The following MON1A variants were observed in gnomAD, a reference collection of about 807,000 sequenced individuals.
The protein encoded by MON1A is MON1 vesicular trafficking associated A, also known as vacuolar fusion protein MON1 homolog A.
Under a neutral mutation model 44.6 loss-of-function variants are expected in MON1A, and 29 were observed. The ratio of observed to expected loss-of-function variants is 0.65; its 90% confidence interval spans 0.48 to 0.89. The LOEUF is 0.89. Among genes scored for constraint, MON1A ranks in the 40% least tolerant of loss-of-function variants. The probability of loss-of-function intolerance (pLI) is 0.00; values close to 1 mark genes in which losing one functional copy is unlikely to be tolerated. For synonymous variants in MON1A, 275 were observed against 316.4 expected (o/e 0.87, Z 1.39); for missense variants, 615 against 759.6 (o/e 0.81, Z 2.24).
chr3:49,910,827 C>T lies in MON1A; in HGVS notation c.671G>A (p.Arg224His), dbSNP rs1317549955. 6.2e-6 allele frequency: 10 copies of T among 1,609,878 alleles called. No individual in the cohort carries two copies. Among genetic ancestry groups the T allele is most frequent in the African/African-American group, 1.3e-5 (1 of 74,896 alleles). Residue 224 changes from arginine (R) to histidine (H), a missense_variant, in exon 4 of 6, where the codon CGT (arginine) becomes CAT (histidine). Coordinates refer to ENST00000296473, the MANE Select transcript of MON1A (RefSeq NM_032355.4). The surrounding 1 kb of genome is among the most constrained non-coding windows in gnomAD (Gnocchi z 8.0). ...CAGCTCTTGTGCCGACTGCCGCGTACGAGCCACCGCCACTAGCACCAGCGG... is the reference window on the plus strand; with the variant it reads ...CAGCTCTTGTGCCGACTGCCGCGTATGAGCCACCGCCACTAGCACCAGCGG... The part of the protein sequence containing the change: ...RSPLVLVAVA[R>H]TRQSAQELAQ...
chr3:49,911,243 TAG>T lies in MON1A; in HGVS notation c.613+281_613+282del, dbSNP rs1356205706. On this transcript the variant is annotated intron_variant, in intron 3 of 5. Coordinates refer to ENST00000296473, the MANE Select transcript of MON1A (RefSeq NM_032355.4). This position sits in a 1 kb window ranked among gnomAD's most constrained non-coding sequence, Gnocchi z 5.7. Reference sequence around the variant, plus strand: ...ATAGATAGATAGATAGATAGATAGATAGAGTTTGTTGTTGTTGTTGTTGTTGC... The same window carrying T: ...ATAGATAGATAGATAGATAGATAGATAGTTTGTTGTTGTTGTTGTTGTTGC... Among the ~76,000 whole-genome samples, 2 of 115,578 alleles carry T rather than the reference TAG, an allele frequency of 1.7e-5. No homozygotes were observed. The highest frequency in any genetic ancestry group is 3.3e-5 in the African/African-American group (1 of 30,518). 75.8% of individuals were successfully genotyped at this position (115,578 alleles called of 152,430 possible).
rs143183919 is a variant in MON1A at position 49,910,751 on chromosome 3, A to C, written c.747T>G (p.Gly249=). The change falls in exon 4 of 6, where the codon GGT becomes GGG. Residue 249 remains glycine, a synonymous_variant. Transcript: ENST00000296473. This position sits in a 1 kb window ranked among gnomAD's most constrained non-coding sequence, Gnocchi z 8.0. ...IYYQILSLLT[G]AQLSHIFQQK... ...GCTGGAAGATGTGGCTCAGCTGCGCACCGGTAAGAAGGCTTAGGATCTGGT... is the reference window on the plus strand; with the variant it reads ...GCTGGAAGATGTGGCTCAGCTGCGCCCCGGTAAGAAGGCTTAGGATCTGGT... 1.2e-6 allele frequency: 2 copies of C among 1,613,974 alleles called. No individual in the cohort carries two copies. Among genetic ancestry groups the C allele is most frequent in the African/African-American group, 2.7e-5 (2 of 74,896 alleles).
Position 49,909,376 on chromosome 3 carries a change from G to A in MON1A, c.1404C>T (p.Thr468=), listed in dbSNP as rs773841291. The change falls in exon 5 of 6, where the codon ACC becomes ACT. Residue 468 remains threonine (T), a synonymous_variant. Coordinates refer to ENST00000296473, the MANE Select transcript of MON1A (RefSeq NM_032355.4). The surrounding 1 kb of genome is among the most constrained non-coding windows in gnomAD (Gnocchi z 4.0). The part of the protein sequence containing the change: ...FTSPEIEAPY[T]SEEEQERLLG... ...GCAGCCGCTCCTGCTCCTCTTCACT[G>A]GTGTATGGGGCCTCAATCTCAGGGC... The A allele has an allele frequency of 6.2e-7, 1 of 1,613,978 alleles. No individual in the cohort carries two copies. Among genetic ancestry groups the A allele is most frequent in the Admixed American group, 1.7e-5 (1 of 59,996 alleles).
intron 1 of MON1A, 102 bp from the exon 2 acceptor site, chr3:49,913,461 C>A (rs2082911019): frequency 1.8e-6 from 2 of 1,106,432 alleles, no homozygotes; most frequent in Non-Finnish European, 2.5e-6. Context: ...CAGGACTCCA[C>A]TAACTCAAAT....
chr3:49,917,532 C>T (rs1027730406), intron 1 of MON1A, among the ~76,000 whole-genome samples: 3 of 151,826 alleles, frequency 2.0e-5, no homozygotes, highest in Non-Finnish European at 4.4e-5. Flanking sequence ...TGGTGATCCA[C>T]CCGCCTCAGC....
chr3:49,921,014 G>C (rs1339742740), intron 1 of MON1A, among the ~76,000 whole-genome samples: 2 of 151,898 alleles, frequency 1.3e-5, no homozygotes, highest in Non-Finnish European at 2.9e-5. Context: ...AAATTAGCCA[G>C]GCGTGGTGGC....
intron 1 of MON1A, among the ~76,000 whole-genome samples, chr3:49,922,147 A>G (rs1432698293): frequency 4.8e-5 from 7 of 146,992 alleles, no homozygotes; most frequent in Non-Finnish European, 1.5e-5. Flanking sequence ...CAAAAAAAAA[A>G]AAAGAAAGAA....
rs774268559 is a variant in MON1A, at chr3:49,929,639, A to C, written c.-44T>G. The C allele has an allele frequency of 6.4e-7, 1 of 1,551,384 alleles. No individual in the cohort carries two copies. Among genetic ancestry groups the C allele is most frequent in the Non-Finnish European group, 8.7e-7 (1 of 1,146,926 alleles). On this transcript the variant is annotated 5_prime_UTR_variant, in exon 1 of 6. Transcript: ENST00000296473. The stretch of plus-strand genomic sequence containing the variant: ...TCTCAGAGGAGTCCAGGACGCACAG[A>C]AGGTGCCGGTCACTGCCCTCTGCCG...
Position 49,910,707 on chromosome 3 carries a change from A to C in MON1A, c.791T>G (p.Leu264Trp). 6.2e-7 allele frequency: 1 copy of C among 1,613,628 alleles called. No homozygotes were observed. The highest frequency in any genetic ancestry group is 8.5e-7 in the Non-Finnish European group (1 of 1,179,816). ...CTCTGAGCCCGAGAGTAGGCGCCGC[A>C]AATCATAGTTCTGCTTCTGCTGGAA... is the stretch of plus-strand genomic sequence containing the variant. Reference protein sequence around the residue: ...HIFQQKQNYDLRRLLSGSERI... With the variant: ...HIFQQKQNYDWRRLLSGSERI... The change falls in exon 4 of 6, where the codon TTG becomes TGG. Residue 264 changes from leucine to tryptophan, a missense_variant. By Grantham distance (61) the Leu-to-Trp change is moderately conservative. Transcript: ENST00000296473. The surrounding 1 kb of genome is among the most constrained non-coding windows in gnomAD (Gnocchi z 8.0).
In MON1A at chr3:49,913,295, A is replaced by G; in HGVS notation, c.52T>C (p.Leu18=). 3.7e-6 allele frequency: 6 copies of G among 1,614,106 alleles called. No homozygotes were observed. The highest frequency in any genetic ancestry group is 5.1e-6 in the Non-Finnish European group (6 of 1,179,986). The change falls in exon 2 of 6, where the codon TTG becomes CTG. Residue 18 remains leucine, a synonymous_variant. Transcript: ENST00000296473. Reference sequence around the variant, plus strand: ...ATACTCTGTCCATCAGAAGGAGTCAATGTGCCATCAAGGCATTCGCTGCTT... The same window carrying G: ...ATACTCTGTCCATCAGAAGGAGTCAGTGTGCCATCAAGGCATTCGCTGCTT... ...KRSSECLDGT[L]TPSDGQSMER...
At chr3:49,925,346 C>G (rs1459920618) in intron 1 of MON1A, among the ~76,000 whole-genome samples, 1 of 152,136 alleles carries the variant, frequency 6.6e-6, no homozygotes, top group Non-Finnish European at 1.5e-5. Context: ...AACTCCTTGA[C>G]TCAAGTGATC....
chr3:49,912,627 C>T (rs1041146620), intron 2 of MON1A: 8 of 181,136 alleles, frequency 4.4e-5, no homozygotes, highest in African/African-American at 1.7e-4. Context: ...GAGAAAGCTC[C>T]CCTACCCTAC....
chr3:49,921,497 G>A (rs2082995959), intron 1 of MON1A, among the ~76,000 whole-genome samples: 2 of 150,754 alleles, frequency 1.3e-5, no homozygotes, highest in Non-Finnish European at 3.0e-5. Context: ...AAGGCCGGGT[G>A]CAGTGGCTCA....
intron 1 of MON1A, among the ~76,000 whole-genome samples, chr3:49,929,137 G>T (rs1215266641): frequency 1.3e-5 from 2 of 152,180 alleles, no homozygotes; most frequent in Admixed American, 1.3e-4. Flanking sequence ...CAGGAGAATC[G>T]CTTGAACCTG....
chr3:49,911,489 AGGGGAGCCCGCCCCATTC>A lies in MON1A; in HGVS notation c.613+19_613+36del. ...AACCTGCTATGAATGAACCTTGGCC[AGGGGAGCCCGCCCCATTC>A]CCTCTCCAGGTGGCTCACCTGCATG... On this transcript the variant is annotated intron_variant, in intron 3 of 5. Transcript: ENST00000296473. This position sits in a 1 kb window ranked among gnomAD's most constrained non-coding sequence, Gnocchi z 5.7. 1 of 1,571,960 alleles carries A rather than the reference AGGGGAGCCCGCCCCATTC, an allele frequency of 6.4e-7. No homozygotes were observed. Among genetic ancestry groups the A allele is most frequent in the Middle Eastern group, 1.8e-4 (1 of 5,464 alleles).
chr3:49,929,397 C>T, intron 1 of MON1A: 1 of 630,740 alleles, frequency 1.6e-6, no homozygotes, highest in Non-Finnish European at 2.8e-6. Flanking sequence ...CGGATCTCGC[C>T]CTCCCAGCCA....
intron 1 of MON1A, among the ~76,000 whole-genome samples, chr3:49,917,105 C>A (rs554837923): frequency 2.0e-5 from 3 of 152,094 alleles, no homozygotes; most frequent in Non-Finnish European, 2.9e-5. Context: ...GGAACACAGG[C>A]GTGAGCCACC....
At chr3:49,922,704 CTT>C (rs1215141576) in intron 1 of MON1A, among the ~76,000 whole-genome samples, 14 of 142,098 alleles carry the variant, frequency 9.9e-5, no homozygotes, top group Non-Finnish European at 7.8e-5. Context: ...AAGACAATTT[CTT>C]TTTTTTTTTT....
At chr3:49,929,563 CA>C in intron 1 of MON1A, 45 bp downstream of exon 1, 1 of 1,548,582 alleles carries the variant, frequency 6.5e-7, no homozygotes, top group Non-Finnish European at 8.7e-7. Flanking sequence ...GACAGCTCTC[CA>C]GTCTCTAGGT....
Sources: gnomAD v4.1 joint callset for allele counts (sites outside exome capture counted in the v4.1 genomes callset) on GRCh38, gnomAD v4.1.1 for gene constraint, Gnocchi (gnomAD v3.1) non-coding constraint, MANE v1.5 for transcripts, NCBI Gene and HGNC (gene_info 2026-07-23, HGNC 2026-07-21) for gene names.